TMEM232: variants seen among roughly 807,000 people sequenced by gnomAD.
TMEM232 encodes transmembrane protein 232.
TMEM232 carries 80 observed loss-of-function variants against 78.8 expected under a neutral mutation model. The ratio of observed to expected loss-of-function variants is 1.01; its 90% CI spans 0.85 to 1.22. The LOEUF is 1.22. TMEM232 is among the 50% of genes most tolerant of loss of function. The pLI is 0.00. For missense variants in TMEM232, 881 were observed against 742.2 expected, an observed-to-expected ratio of 1.19 and a Z score of -2.17; for synonymous variants, 297 against 254.3, an observed-to-expected ratio of 1.17 and a Z score of -1.60.
intron 2 of TMEM232, among the ~76,000 whole-genome samples, chr5:110,650,591 G>C (rs1788169940): frequency 6.6e-6 from 1 of 152,234 alleles, no homozygotes; most frequent in South Asian, 2.1e-4. Flanking sequence ...GTATAATCAT[G>C]AGAAAAACAT....
At chr5:110,595,102 C>T (rs185855134) in intron 10 of TMEM232, among the ~76,000 whole-genome samples, 1 of 152,314 alleles carries the variant, frequency 6.6e-6, no homozygotes, top group African/African-American at 2.4e-5. Context: ...TGCCATACTG[C>T]AGCTTCTGCT....
At position 110,638,201 on chromosome 5, in the gene TMEM232, T is replaced by C; in HGVS notation, c.498A>G (p.Ala166=). The change falls in exon 5 of 14, where the codon GCA becomes GCG. Residue 166 remains alanine (A), a synonymous_variant. Coordinates refer to ENST00000455884, the MANE Select transcript of TMEM232 (RefSeq NM_001039763.4). The stretch of plus-strand genomic sequence containing the variant: ...TAAGAAGTTTTTCAAAACATACCTT[T>C]GCTAGCTTTATTTCAACTGAATATA... ...TYLYSVEIKL[A]KIGYLVFLRL... is the part of the protein sequence containing the mutation. 2 of 1,540,180 alleles carry C rather than the reference T, an allele frequency of 1.3e-6. No individual in the cohort carries two copies. Among genetic ancestry groups the C allele is most frequent in the South Asian group, 2.5e-5 (2 of 81,082 alleles).
chr5:110,689,197 C>A (rs1207743045), intron 1 of TMEM232, among the ~76,000 whole-genome samples: 1 of 152,062 alleles, frequency 6.6e-6, no homozygotes, highest in Non-Finnish European at 1.5e-5. Flanking sequence ...GTACCCAGGA[C>A]CTTTGTAAAC....
intron 11 of TMEM232, among the ~76,000 whole-genome samples, chr5:110,561,083 G>T (rs774092861): frequency 1.3e-5 from 2 of 152,096 alleles, no homozygotes; most frequent in Non-Finnish European, 2.9e-5. Flanking sequence ...TAAAATTTAT[G>T]TAGTAAGAAA....
intron 12 of TMEM232, among the ~76,000 whole-genome samples, chr5:110,508,070 T>A (rs2149460746): frequency 6.6e-6 from 1 of 152,282 alleles, no homozygotes; most frequent in Middle Eastern, 3.4e-3. Context: ...TTTCCACGCT[T>A]AAGATAGGCA....
At chr5:110,736,264 A>G (rs1230919712) in intron 1 of TMEM232, among the ~76,000 whole-genome samples, 2 of 152,212 alleles carry the variant, frequency 1.3e-5, no homozygotes, top group Non-Finnish European at 2.9e-5. Context: ...AGTGCTCTAG[A>G]GACTACTGAT....
At chr5:110,418,454 G>C (rs1398738680), downstream of TMEM232, among the ~76,000 whole-genome samples, 4 of 152,086 alleles carry the variant, frequency 2.6e-5, no homozygotes, top group African/African-American at 4.8e-5. Context: ...CATGAGAAAT[G>C]CATGTTGCCA....
chr5:110,425,356 C>T (rs1757118926), intron 12 of TMEM232, among the ~76,000 whole-genome samples: 1 of 152,014 alleles, frequency 6.6e-6, no homozygotes, highest in Non-Finnish European at 1.5e-5. Context: ...CTAAGGGAGA[C>T]TTAGTGTTAA....
intron 12 of TMEM232, among the ~76,000 whole-genome samples, chr5:110,506,516 G>A (rs1766924571): frequency 6.6e-6 from 1 of 152,146 alleles, no homozygotes; most frequent in Non-Finnish European, 1.5e-5. Flanking sequence ...CCCCAAGACA[G>A]CCAAATAGGA....
At chr5:110,608,988 T>C (rs950117562) in intron 8 of TMEM232, among the ~76,000 whole-genome samples, 2 of 151,970 alleles carry the variant, frequency 1.3e-5, no homozygotes, top group South Asian at 4.1e-4. Flanking sequence ...TGAGCCAGAG[T>C]TTTACTGGCT....
chr5:110,416,482 T>G (rs1382298100), downstream of TMEM232, among the ~76,000 whole-genome samples: 1 of 152,202 alleles, frequency 6.6e-6, no homozygotes, highest in African/African-American at 2.4e-5. Flanking sequence ...TGACTTTAAT[T>G]GAGAGTCACT....
At chr5:110,620,634 TCTCTC>T (rs1161892892) in intron 7 of TMEM232, among the ~76,000 whole-genome samples, 3 of 111,050 alleles carry the variant, frequency 2.7e-5, no homozygotes, top group South Asian at 3.5e-4. Context: ...TCTCTCTCTC[TCTCTC>T]CTCTCTCCTC....
chr5:110,580,971 C>G (rs1778143345), intron 10 of TMEM232, among the ~76,000 whole-genome samples: 2 of 151,604 alleles, frequency 1.3e-5, no homozygotes, highest in Admixed American at 1.3e-4. Flanking sequence ...GTGGTTAGAT[C>G]TCTATAAGGA....
chr5:110,443,185 G>A (rs993185293), intron 12 of TMEM232, among the ~76,000 whole-genome samples: 5 of 152,112 alleles, frequency 3.3e-5, no homozygotes, highest in East Asian at 1.9e-4. Flanking sequence ...TGCTCCCCCC[G>A]CTCCTGGGAA....
chr5:110,618,800 G>C (rs1428654436), intron 7 of TMEM232, among the ~76,000 whole-genome samples: 1 of 152,066 alleles, frequency 6.6e-6, no homozygotes, highest in Non-Finnish European at 1.5e-5. Context: ...AATGATATCA[G>C]CTCTACAATA....
chr5:110,454,397 A>C (rs1163815650), intron 12 of TMEM232, among the ~76,000 whole-genome samples: 1 of 152,210 alleles, frequency 6.6e-6, no homozygotes, highest in East Asian at 1.9e-4. Flanking sequence ...GGCAGGAGGA[A>C]TTTTGGAGCC....
intron 8 of TMEM232, among the ~76,000 whole-genome samples, chr5:110,614,158 T>A (rs2149872538): frequency 6.6e-6 from 1 of 152,134 alleles, no homozygotes; most frequent in East Asian, 1.9e-4. Flanking sequence ...TACTCTTCTG[T>A]TCATTGAGCA....
intron 1 of TMEM232, among the ~76,000 whole-genome samples, chr5:110,723,518 T>G (rs1561572058): frequency 6.6e-6 from 1 of 152,176 alleles, no homozygotes; most frequent in Non-Finnish European, 1.5e-5. Flanking sequence ...TATGTTTAAA[T>G]TAGACTCTAA....
chr5:110,634,050 T>TCAAAAGCAAGACAGGAG (rs1580441196), intron 5 of TMEM232, among the ~76,000 whole-genome samples: 1 of 152,018 alleles, frequency 6.6e-6, no homozygotes, highest in East Asian at 1.9e-4. Flanking sequence ...GTAACTATCC[T>TCAAAAGCAAGACAGGAG]TCTATTGGAT....
Sources: gnomAD v4.1 joint callset for allele counts (sites outside exome capture counted in the v4.1 genomes callset) on GRCh38, gnomAD v4.1.1 for gene constraint, MANE v1.5 for transcripts, NCBI Gene and HGNC (gene_info 2026-07-23, HGNC 2026-07-21) for gene names.